The following MAPK6 variants were observed in gnomAD, a reference collection of about 807,000 sequenced individuals.
The protein encoded by MAPK6 is mitogen-activated protein kinase 6, also known as ERK-3.
Under a neutral mutation model 59.3 loss-of-function variants are expected in MAPK6, and 19 were observed. That is an observed-to-expected ratio of 0.32 (90% CI 0.22 to 0.47). MAPK6 has a LOEUF of 0.47. Among genes scored for constraint, MAPK6 ranks in the 20% least tolerant of loss-of-function variants. The pLI is 1.00. For missense variants in MAPK6, 724 were observed against 847.9 expected, an observed-to-expected ratio of 0.85 and a Z score of 1.81; for synonymous variants, 316 against 290.3, an observed-to-expected ratio of 1.09 and a Z score of -0.90.
intron 2 of MAPK6, among the ~76,000 whole-genome samples, chr15:51,984,439 G>GC (rs1201466757): frequency 1.6e-5 from 2 of 126,408 alleles, no homozygotes; most frequent in Admixed American, 1.7e-4. Context: ...CTGCCAACAC[G>GC]CCGGCTAATT....
At chr15:52,005,726 T>C (rs1210797805) in intron 3 of MAPK6, among the ~76,000 whole-genome samples, 1 of 152,128 alleles carries the variant, frequency 6.6e-6, no homozygotes, top group Non-Finnish European at 1.5e-5. Flanking sequence ...GTGCTATTTA[T>C]ACCATTTTAA....
intron 1 of MAPK6, among the ~76,000 whole-genome samples, chr15:51,973,875 C>T (rs2057149189): frequency 6.6e-6 from 1 of 151,858 alleles, no homozygotes; most frequent in Non-Finnish European, 1.5e-5. Flanking sequence ...TGGTCTCAAA[C>T]TCCTGACCTC....
chr15:52,002,659 C>T (rs189452868), intron 2 of MAPK6, among the ~76,000 whole-genome samples: 2 of 152,308 alleles, frequency 1.3e-5, no homozygotes. Flanking sequence ...GTTGTTCTGA[C>T]AGGGCAAAAT....
chr15:52,031,195 T>C (rs1306426797), intron 1 of MAPK6, among the ~76,000 whole-genome samples: 6 of 151,886 alleles, frequency 4.0e-5, no homozygotes, highest in Non-Finnish European at 1.5e-5. Context: ...GTCCTCCCAA[T>C]GTGCCGGGAC....
intron 1 of MAPK6, among the ~76,000 whole-genome samples, chr15:52,034,886 C>T (rs767942603): frequency 3.9e-5 from 6 of 151,958 alleles, no homozygotes; most frequent in African/African-American, 1.2e-4. Context: ...TTAGTAGAAA[C>T]GCGGTTTCAC....
At chr15:52,001,762 GC>G (rs1439745294) in intron 2 of MAPK6, among the ~76,000 whole-genome samples, 2 of 152,088 alleles carry the variant, frequency 1.3e-5, no homozygotes, top group Non-Finnish European at 2.9e-5. Flanking sequence ...GCCCACCTCA[GC>G]CTCCCAAAGT....
At chr15:52,012,922 G>C (rs1304843585) in intron 3 of MAPK6, among the ~76,000 whole-genome samples, 1 of 147,588 alleles carries the variant, frequency 6.8e-6, no homozygotes, top group Admixed American at 6.8e-5. Flanking sequence ...GGGAGGCGGA[G>C]GTTGCAGTGA....
intron 2 of MAPK6, among the ~76,000 whole-genome samples, chr15:51,997,127 C>A (rs1475551798): frequency 6.6e-6 from 1 of 151,702 alleles, no homozygotes; most frequent in East Asian, 1.9e-4. Flanking sequence ...TTACAGGCGC[C>A]CGCCACTACA....
At chr15:52,035,628 A>G (rs2031214768) in intron 1 of MAPK6, 1 of 152,022 alleles carries the variant, frequency 6.6e-6, no homozygotes, top group Admixed American at 6.6e-5. Context: ...CATCTTAAAA[A>G]AAAAAAAAAA....
chr15:52,044,926 C>CTTT (rs80337297), intron 1 of MAPK6, among the ~76,000 whole-genome samples: 1,615 of 130,692 alleles, frequency 0.012, 39 homozygotes, highest in African/African-American at 0.044. Flanking sequence ...TTTTTTTTTC[C>CTTT]TTTTTTTTTT....
intron 4 of MAPK6, among the ~76,000 whole-genome samples, chr15:52,059,738 T>G (rs1368667991): frequency 6.6e-6 from 1 of 152,238 alleles, no homozygotes; most frequent in East Asian, 1.9e-4. Context: ...TATTAACCAT[T>G]GAGCAAAGAT....
intron 2 of MAPK6, among the ~76,000 whole-genome samples, chr15:51,998,881 G>A (rs1478573101): frequency 1.3e-5 from 2 of 149,320 alleles, no homozygotes; most frequent in Admixed American, 6.7e-5. Flanking sequence ...TAGTAGAGAC[G>A]GGGTTTCACT....
chr15:52,042,263 C>A (rs544316368), intron 1 of MAPK6, among the ~76,000 whole-genome samples: 1 of 152,188 alleles, frequency 6.6e-6, no homozygotes, highest in Non-Finnish European at 1.5e-5. Context: ...AAATCTTTTT[C>A]TCCCCCAGAT....
rs1237515362 is a variant in MAPK6, at chr15:52,026,387, GTTCAAGTGA to G, written c.-632+7015_-632+7023del. Among the ~76,000 whole-genome samples the G allele has an allele frequency of 2.6e-5, 4 of 152,136 alleles. No individual in the cohort carries two copies. In the East Asian group the frequency reaches 5.8e-4, roughly 22 times the overall value. On this transcript the variant is annotated intron_variant, in intron 1 of 5. Transcript: ENST00000261845. ...GCTCACTGCAGCCTCCGCCTCCTGG[GTTCAAGTGA>G]TTCTCCTGCTGCAGCCTCCCAAGTA...
intron 3 of MAPK6, among the ~76,000 whole-genome samples, chr15:52,053,883 C>T (rs747060824): frequency 3.3e-5 from 5 of 151,890 alleles, no homozygotes; most frequent in South Asian, 2.1e-4. Flanking sequence ...ATGATCCACT[C>T]GCCTCAGCCT....
At chr15:51,980,306 GA>G (rs1335963855) in intron 1 of MAPK6, among the ~76,000 whole-genome samples, 7 of 143,668 alleles carry the variant, frequency 4.9e-5, no homozygotes, top group Admixed American at 6.9e-5. Flanking sequence ...AAAAAAAAAA[GA>G]AAAAAAAATG....
intron 2 of MAPK6, among the ~76,000 whole-genome samples, chr15:51,997,431 C>T (rs1050454997): frequency 6.8e-6 from 1 of 148,034 alleles, no homozygotes; most frequent in Admixed American, 6.8e-5. Flanking sequence ...AGCTAATTTG[C>T]ATATTTTTAG....
intron 2 of MAPK6, among the ~76,000 whole-genome samples, chr15:51,998,814 C>T (rs1292921684): frequency 1.3e-5 from 2 of 148,360 alleles, no homozygotes; most frequent in Admixed American, 6.8e-5. Flanking sequence ...CCTCAGCCGC[C>T]GGAGTAGCTG....
chr15:52,061,255 G>A lies in MAPK6; in HGVS notation c.866-44G>A, dbSNP rs1487781471. The A allele has an allele frequency of 3.5e-6, 5 of 1,418,222 alleles. No individual in the cohort carries two copies. In the South Asian group the frequency reaches 4.6e-5, roughly 13 times the overall value. The allele number at this position is 1,418,222 out of a possible 1,614,324, so 87.9% of individuals were successfully genotyped here. On this transcript the variant is annotated intron_variant, in intron 4 of 5. Transcript: ENST00000261845. ...ATCAACATTTACTGTTTTTCTAAAG[G>A]TAAGCAATTCTTTTCTGAAAAACTT...
Sources: allele counts gnomAD v4.1 joint callset (sites outside exome capture counted in the v4.1 genomes callset), GRCh38; gene constraint gnomAD v4.1.1; transcripts MANE v1.5; gene names NCBI Gene and HGNC (gene_info 2026-07-23, HGNC 2026-07-21).